The following ZFP1 variants were observed in gnomAD, a reference collection of about 807,000 sequenced individuals.
ZFP1 encodes zinc finger protein 1 homolog.
In ZFP1, 32 loss-of-function variants were observed where a neutral mutation model predicts 38.5. That is an observed-to-expected ratio of 0.83 (90% CI 0.63 to 1.12). The LOEUF (loss-of-function observed/expected upper bound fraction) is 1.12. Ranked by LOEUF, ZFP1 falls within the 50% of genes most tolerant of loss-of-function variation. ZFP1 has a pLI of 0.00. For synonymous variants in ZFP1, 245 were observed against 168.8 expected, an observed-to-expected ratio of 1.45 and a Z score of -3.50; for missense variants, 616 against 480.8, an observed-to-expected ratio of 1.28 and a Z score of -2.63.
intron 2 of ZFP1, among the ~76,000 whole-genome samples, chr16:75,155,915 T>C (rs2037446619): frequency 6.6e-6 from 1 of 152,236 alleles, no homozygotes; most frequent in South Asian, 2.1e-4. Flanking sequence ...CATAATCTTT[T>C]GTCTAATTGG....
intron 2 of ZFP1, among the ~76,000 whole-genome samples, chr16:75,162,534 CTTATTT>C (rs2037840471): frequency 6.6e-6 from 1 of 152,160 alleles, no homozygotes. Context: ...ATAATTTCAA[CTTATTT>C]GAGATTTGGG....
the ZFP1 span, among the ~76,000 whole-genome samples, chr16:75,140,965 A>G: frequency 4.8e-3 from 735 of 152,176 alleles, 6 homozygotes; most frequent in South Asian, 0.029. Context: ...TCTCAAAAAA[A>G]CACAACACTT....
chr16:75,143,801 G>A (rs756461613), upstream of ZFP1, among the ~76,000 whole-genome samples: 1 of 151,902 alleles, frequency 6.6e-6, no homozygotes, highest in Non-Finnish European at 1.5e-5. Context: ...ACAGGTGCAT[G>A]CCACTGCGCC....
the ZFP1 span, among the ~76,000 whole-genome samples, chr16:75,125,957 C>T: frequency 8.7e-5 from 13 of 148,980 alleles, no homozygotes; most frequent in South Asian, 2.1e-4. Flanking sequence ...CAAGGAGAAT[C>T]GCTTGAATCT....
At chr16:75,143,731 A>T (rs1226850679), upstream of ZFP1, among the ~76,000 whole-genome samples, 1 of 136,532 alleles carries the variant, frequency 7.3e-6, no homozygotes, top group Non-Finnish European at 1.5e-5. Context: ...AGCTCACTGC[A>T]GCGTCAACCT....
chr16:75,145,163 T>C (rs926378077), upstream of ZFP1, among the ~76,000 whole-genome samples: 4 of 152,260 alleles, frequency 2.6e-5, no homozygotes, highest in African/African-American at 9.6e-5. Context: ...CTATGAACAT[T>C]GGTGTAAACA....
chr16:75,158,200 C>T (rs72626192), intron 2 of ZFP1, among the ~76,000 whole-genome samples: 18,637 of 151,854 alleles, frequency 0.12, 2,064 homozygotes, highest in East Asian at 0.63. Flanking sequence ...GTAGTTTGGT[C>T]GTGGTTTTGA....
At chr16:75,168,812 A>G (rs2038247415) in intron 3 of ZFP1, among the ~76,000 whole-genome samples, 1 of 152,206 alleles carries the variant, frequency 6.6e-6, no homozygotes, top group Admixed American at 6.5e-5. Context: ...GTCCGAGTTT[A>G]GCAAATAATA....
upstream of ZFP1, among the ~76,000 whole-genome samples, chr16:75,144,746 C>T: frequency 6.6e-6 from 1 of 152,310 alleles, no homozygotes; most frequent in East Asian, 1.9e-4. Flanking sequence ...TACTTTCTGT[C>T]TTTATAAATT....
chr16:75,169,429 G>T lies in ZFP1; in HGVS notation c.319G>T (p.Asp107Tyr). Residue 107 changes from aspartate to tyrosine, a missense_variant, in exon 4 of 4, where the codon GAC becomes TAC. Coordinates refer to ENST00000570010, the MANE Select transcript of ZFP1 (RefSeq NM_153688.4). The stretch of plus-strand genomic sequence containing the variant: ...TTTAAGACAAGTACCTTATAAATAT[G>T]ACTTATATGAAAAAACTTTGAAATA... ...VSLRQVPYKYDLYEKTLKYNS... is the reference protein window; with the variant it reads ...VSLRQVPYKYYLYEKTLKYNS... The T allele has an allele frequency of 1.2e-6, 2 of 1,612,754 alleles. No homozygotes were observed. Among genetic ancestry groups the T allele is most frequent in the Non-Finnish European group, 1.7e-6 (2 of 1,179,726 alleles).
At chr16:75,121,138 C>A in the ZFP1 span, among the ~76,000 whole-genome samples, 1 of 151,980 alleles carries the variant, frequency 6.6e-6, no homozygotes, top group South Asian at 2.1e-4. Flanking sequence ...AACTAGTCTC[C>A]TTATACAATC....
chr16:75,165,811 T>C (rs564099559), intron 2 of ZFP1, among the ~76,000 whole-genome samples: 1 of 152,122 alleles, frequency 6.6e-6, no homozygotes, highest in African/African-American at 2.4e-5. Flanking sequence ...TCAGCTGTTA[T>C]CTCTTCAAAT....
the ZFP1 span, among the ~76,000 whole-genome samples, chr16:75,123,447 GTGTATATGTATA>G: frequency 6.1e-5 from 1 of 16,462 alleles, no homozygotes; most frequent in South Asian, 1.6e-3. Flanking sequence ...GTGTGTGTGT[GTGTATATGTATA>G]TATATATATA....
At chr16:75,159,284 T>C (rs1416440447) in intron 2 of ZFP1, among the ~76,000 whole-genome samples, 17 of 90,234 alleles carry the variant, frequency 1.9e-4, no homozygotes, top group Non-Finnish European at 2.9e-4. Flanking sequence ...TCACTTCCCT[T>C]CCTTCCCTCC....
the ZFP1 span, among the ~76,000 whole-genome samples, chr16:75,139,019 G>A: frequency 2.0e-5 from 3 of 151,866 alleles, no homozygotes; most frequent in Non-Finnish European, 4.4e-5. Context: ...GAAAAACATC[G>A]GATACATTTC....
At chr16:75,122,036 A>T in the ZFP1 span, among the ~76,000 whole-genome samples, 5 of 152,218 alleles carry the variant, frequency 3.3e-5, no homozygotes, top group Admixed American at 6.5e-5. Flanking sequence ...GCTTGTTAGA[A>T]ATGCAAAATG....
the ZFP1 span, among the ~76,000 whole-genome samples, chr16:75,130,645 C>T: frequency 2.0e-5 from 3 of 152,114 alleles, no homozygotes; most frequent in Admixed American, 1.3e-4. Context: ...GAGCAGGCTG[C>T]CACCAACTGT....
At chr16:75,145,847 C>A (rs933703497), upstream of ZFP1, among the ~76,000 whole-genome samples, 9 of 152,168 alleles carry the variant, frequency 5.9e-5, no homozygotes, top group African/African-American at 1.7e-4. Flanking sequence ...TGGACAAGGA[C>A]CTGGGTATTA....
At chr16:75,159,964 CTA>C (rs2037681525) in intron 2 of ZFP1, among the ~76,000 whole-genome samples, 2 of 152,260 alleles carry the variant, frequency 1.3e-5, no homozygotes, top group East Asian at 1.9e-4. Flanking sequence ...GCCAGTATCT[CTA>C]TCTTTCTGGA....
Sources: allele counts gnomAD v4.1 joint callset (sites outside exome capture counted in the v4.1 genomes callset), GRCh38; gene constraint gnomAD v4.1.1; transcripts MANE v1.5; gene names NCBI Gene and HGNC (gene_info 2026-07-23, HGNC 2026-07-21).